Variants in PEPD observed in about 807,000 individuals in gnomAD.
PEPD encodes the protein xaa-Pro dipeptidase.
Under a neutral mutation model 60.7 loss-of-function variants are expected in PEPD, and 53 were observed. The ratio of observed to expected loss-of-function variants is 0.87; its 90% confidence interval spans 0.70 to 1.10. PEPD has a LOEUF of 1.10. Ranked by LOEUF, PEPD falls within the 50% of genes least tolerant of loss-of-function variation. PEPD has a pLI of 0.00. For missense variants in PEPD, 711 were observed against 711.9 expected (o/e 1.00, Z 0.01); for synonymous variants, 267 against 284.1 (o/e 0.94, Z 0.60).
At chr19:33,521,675 C>T (rs1405293727) in intron 1 of PEPD, 69 bp downstream of exon 1, 2 of 1,492,868 alleles carry the variant, frequency 1.3e-6, no homozygotes, top group East Asian at 2.4e-5. Context: ...CTCTCACCCG[C>T]GGTCCGGCCG....
chr19:33,474,976 T>C (rs1970189392), intron 7 of PEPD, among the ~76,000 whole-genome samples: 1 of 144,556 alleles, frequency 6.9e-6, no homozygotes, highest in Admixed American at 7.0e-5. Context: ...TGAGATCCTG[T>C]CTCTTAAAAA....
chr19:33,462,822 G>A (rs556993266), intron 9 of PEPD, 173 bp downstream of exon 9: 8 of 674,730 alleles, frequency 1.2e-5, no homozygotes, highest in Admixed American at 6.3e-5. Context: ...AAGAGCCAGG[G>A]AGGCGGGCGC....
At chr19:33,387,569 A>G (rs1968105426) in intron 14 of PEPD, 88 bp from the exon 15 acceptor site, 1 of 1,515,400 alleles carries the variant, frequency 6.6e-7, no homozygotes, top group Non-Finnish European at 9.1e-7. Flanking sequence ...CCACCCCACC[A>G]TGGGATGGGA....
chr19:33,509,054 T>C (rs529664060), intron 3 of PEPD, among the ~76,000 whole-genome samples: 10 of 152,298 alleles, frequency 6.6e-5, no homozygotes, highest in African/African-American at 2.2e-4. Flanking sequence ...CAGCCTCCAA[T>C]TGCAGCTCCA....
At chr19:33,399,694 G>C (rs1388179192) in intron 12 of PEPD, among the ~76,000 whole-genome samples, 1 of 152,194 alleles carries the variant, frequency 6.6e-6, no homozygotes, top group Non-Finnish European at 1.5e-5. Flanking sequence ...ACGGGCTGTG[G>C]GGCCGCAGGG....
chr19:33,431,335 G>C (rs1969269823), intron 9 of PEPD, among the ~76,000 whole-genome samples: 1 of 152,188 alleles, frequency 6.6e-6, no homozygotes, highest in African/African-American at 2.4e-5. Context: ...ACCATGGGTT[G>C]AAATCACCCA....
chr19:33,470,488 G>T (rs751681416), intron 7 of PEPD, among the ~76,000 whole-genome samples: 2 of 151,952 alleles, frequency 1.3e-5, no homozygotes, highest in Non-Finnish European at 1.5e-5. Context: ...TCTAGGGGTC[G>T]GAGACGACCC....
At chr19:33,475,554 C>T (rs535814395) in intron 7 of PEPD, among the ~76,000 whole-genome samples, 6 of 152,134 alleles carry the variant, frequency 3.9e-5, no homozygotes, top group South Asian at 2.1e-4. Context: ...TGCTTAGGAA[C>T]GCGGGCTCGA....
intron 8 of PEPD, 152 bp from the exon 9 acceptor site, chr19:33,463,193 A>AT (rs755200247): frequency 3.0e-5 from 21 of 702,820 alleles, no homozygotes; most frequent in Admixed American, 2.1e-4. Context: ...CATGTGACAA[A>AT]TTAGAACTTT....
intron 11 of PEPD, among the ~76,000 whole-genome samples, chr19:33,403,001 G>A (rs1968537557): frequency 1.3e-5 from 2 of 152,188 alleles, no homozygotes; most frequent in African/African-American, 2.4e-5. Context: ...TCTGGGCAAC[G>A]GCAGAGAAGC....
At chr19:33,395,601 C>A (rs745729264) in intron 12 of PEPD, among the ~76,000 whole-genome samples, 83 of 152,332 alleles carry the variant, frequency 5.4e-4, no homozygotes, top group Non-Finnish European at 1.0e-3. Context: ...TCTCCTCAGG[C>A]AGCACCCGCT....
At chr19:33,472,403 G>A (rs1479038399) in intron 7 of PEPD, among the ~76,000 whole-genome samples, 1 of 152,222 alleles carries the variant, frequency 6.6e-6, no homozygotes, top group African/African-American at 2.4e-5. Context: ...TGTGGGCACT[G>A]CACAGCCTCA....
intron 11 of PEPD, among the ~76,000 whole-genome samples, chr19:33,406,319 C>T (rs1205422161): frequency 2.0e-5 from 3 of 152,158 alleles, no homozygotes; most frequent in East Asian, 1.9e-4. Flanking sequence ...AGAGACAAAC[C>T]GAAAACGCGT....
Position 33,387,337 on chromosome 19 carries a change from G to T in PEPD, c.*7C>A. The T allele has an allele frequency of 6.2e-7, 1 of 1,613,762 alleles. No homozygotes were observed. The highest frequency in any genetic ancestry group is 1.1e-5 in the South Asian group (1 of 91,084). ...GCCCCCAGGTGCGCTGGGATTTCTG[G>T]CTGGCTCTACTTGGGGCCAGAGAAG... On this transcript the variant is annotated 3_prime_UTR_variant, in exon 15 of 15. Transcript: ENST00000244137.
intron 12 of PEPD, among the ~76,000 whole-genome samples, chr19:33,391,939 C>A (rs947600093): frequency 6.6e-6 from 1 of 152,234 alleles, no homozygotes; most frequent in Non-Finnish European, 1.5e-5. Context: ...TGGCTCAGAG[C>A]TCCGATGGGG....
chr19:33,493,328 C>T lies in PEPD; in HGVS notation c.403G>A (p.Val135Ile), dbSNP rs777913990. The T allele has an allele frequency of 2.3e-5, 37 of 1,612,962 alleles. No individual in the cohort carries two copies. The highest frequency in any genetic ancestry group is 2.9e-5 in the Non-Finnish European group (34 of 1,179,142). ...DVQYVDEIAS[V>I]LTSQKPSVLL... is the part of the protein sequence containing the mutation. The stretch of plus-strand genomic sequence containing the variant: ...ACAGAGGGCTTCTGTGACGTCAGGA[C>T]GCTGGCAATCTAGAAGGTCGGAAAG... The change falls in exon 5 of 15, where the codon GTC becomes ATC. Residue 135 changes from valine to isoleucine, a missense_variant. Val to Ile is a conservative substitution (Grantham distance 29, BLOSUM62 3). Coordinates refer to ENST00000244137, the MANE Select transcript of PEPD (RefSeq NM_000285.4).
chr19:33,497,019 CCTT>C (rs1213824538), intron 4 of PEPD, among the ~76,000 whole-genome samples: 1 of 152,274 alleles, frequency 6.6e-6, no homozygotes, highest in Non-Finnish European at 1.5e-5. Flanking sequence ...TGAAAATAAA[CCTT>C]CTTTCGTGGC....
chr19:33,431,191 G>A (rs1376609527), intron 9 of PEPD, among the ~76,000 whole-genome samples: 1 of 148,944 alleles, frequency 6.7e-6, no homozygotes, highest in Non-Finnish European at 1.5e-5. Flanking sequence ...AGGGAGGGAG[G>A]GAGGGAGGGA....
chr19:33,454,356 C>G (rs2145255965), intron 9 of PEPD, among the ~76,000 whole-genome samples: 1 of 152,260 alleles, frequency 6.6e-6, no homozygotes, highest in South Asian at 2.1e-4. Flanking sequence ...AATCCCAGCA[C>G]TTTGGGAGGC....
Sources: allele counts gnomAD v4.1 joint callset (sites outside exome capture counted in the v4.1 genomes callset), GRCh38; gene constraint gnomAD v4.1.1; transcripts MANE v1.5; gene names NCBI Gene and HGNC (gene_info 2026-07-23, HGNC 2026-07-21).